Variants in PALD1 observed in about 807,000 individuals in gnomAD.
The protein encoded by PALD1 is phosphatase domain containing paladin 1.
A neutral mutation model predicts 96.0 loss-of-function variants in PALD1; 57 were observed. That is an observed-to-expected ratio of 0.59 (90% CI 0.48 to 0.74). PALD1 has a LOEUF of 0.74. Ranked by LOEUF, PALD1 falls within the 30% of genes least tolerant of loss-of-function variation. PALD1 has a pLI of 0.00. For missense variants in PALD1, 1,063 were observed against 1,143.7 expected, an observed-to-expected ratio of 0.93 and a Z score of 1.02; for synonymous variants, 464 against 473.6, an observed-to-expected ratio of 0.98 and a Z score of 0.26.
the PALD1 span, among the ~76,000 whole-genome samples, chr10:70,461,259 G>T: frequency 6.6e-6 from 1 of 152,180 alleles, no homozygotes; most frequent in Non-Finnish European, 1.5e-5. Flanking sequence ...CATCTAATTA[G>T]CCTTCAAGTC....
chr10:70,515,327 G>A (rs112692430), intron 1 of PALD1, among the ~76,000 whole-genome samples: 7,005 of 152,316 alleles, frequency 0.046, 391 homozygotes, highest in African/African-American at 0.13. Context: ...TCTTGAGGAA[G>A]GCCAAGAGCA....
intron 1 of PALD1, among the ~76,000 whole-genome samples, chr10:70,507,248 A>G (rs1388818975): frequency 2.3e-5 from 1 of 43,030 alleles, no homozygotes; most frequent in Non-Finnish European, 4.9e-5. Flanking sequence ...CTAAAAATAC[A>G]AAAAAAAAAA....
chr10:70,529,271 CA>C lies in PALD1; in HGVS notation c.230del (p.Lys77ArgfsTer142). ...AGTTCCAGATCCATGATGAGCTGCT[CA>C]AGGCTCATTACACGTTGGGCCGGCT... Reference protein sequence around the residue: ...EEFQIHDELLKAHYTLGRLSD... With the variant: ...EEFQIHDELLXAHYTLGRLSD... On this transcript the variant is annotated frameshift_variant, in exon 3 of 20. Coordinates refer to ENST00000263563, the MANE Select transcript of PALD1 (RefSeq NM_014431.3). LOFTEE classifies it high-confidence loss of function. 1 of 1,414,586 alleles carries C rather than the reference CA, an allele frequency of 7.1e-7. No homozygotes were observed. The highest frequency in any genetic ancestry group is 9.5e-7 in the Non-Finnish European group (1 of 1,052,504). The allele number at this position is 1,414,586 out of a possible 1,614,324, so 87.6% of individuals were successfully genotyped here. A position where few individuals can be genotyped will look rare whatever the true frequency, so the allele number is the denominator to read the frequency against.
chr10:70,476,112 C>G (rs373725483), upstream of PALD1, among the ~76,000 whole-genome samples: 1 of 152,136 alleles, frequency 6.6e-6, no homozygotes. Flanking sequence ...GAGTGGGGGT[C>G]AGTCCCGACC....
intron 1 of PALD1, among the ~76,000 whole-genome samples, chr10:70,484,865 T>A (rs1006329809): frequency 1.3e-5 from 2 of 152,184 alleles, no homozygotes; most frequent in African/African-American, 4.8e-5. Flanking sequence ...TTAAAGAAAA[T>A]TTACTGCAAG....
chr10:70,547,754 C>T (rs1847398598), intron 18 of PALD1, among the ~76,000 whole-genome samples: 1 of 152,176 alleles, frequency 6.6e-6, no homozygotes, highest in African/African-American at 2.4e-5. Flanking sequence ...TCAGAGTGAA[C>T]ACCCAGGAGC....
rs1464318419 is a variant in PALD1, at chr10:70,531,417, T to G, written c.596T>G (p.Val199Gly). The change falls in exon 5 of 20, where the codon GTC becomes GGC. Residue 199 changes from valine to glycine, a missense_variant. Transcript: ENST00000263563. ...AACCTCCAGGGCCTTGGACCCGGGG[T>G]CCGGGTGGAGAGCCTGGAGCTGGCC... ...HENLQGLGPG[V>G]RVESLELAIR... The G allele has an allele frequency of 6.8e-6, 11 of 1,613,592 alleles. No homozygotes were observed. The highest frequency in any genetic ancestry group is 9.3e-6 in the Non-Finnish European group (11 of 1,179,842).
the PALD1 span, among the ~76,000 whole-genome samples, chr10:70,461,263 T>C: frequency 6.6e-6 from 1 of 152,228 alleles, no homozygotes; most frequent in Admixed American, 6.5e-5. Context: ...TAATTAGCCT[T>C]CAAGTCTTAG....
intron 10 of PALD1, among the ~76,000 whole-genome samples, chr10:70,535,494 TC>T (rs1847093337): frequency 8.1e-6 from 1 of 122,830 alleles, no homozygotes. Flanking sequence ...CCCTTCCTTC[TC>T]CCTCTCTTCC....
At chr10:70,504,743 A>G (rs1846354213) in intron 1 of PALD1, among the ~76,000 whole-genome samples, 1 of 152,208 alleles carries the variant, frequency 6.6e-6, no homozygotes, top group South Asian at 2.1e-4. Context: ...CTCTGCATTC[A>G]ATCTATTGTG....
chr10:70,541,296 C>G, intron 16 of PALD1, 54 bp downstream of exon 16: 1 of 1,568,102 alleles, frequency 6.4e-7, no homozygotes, highest in Non-Finnish European at 8.7e-7. Context: ...AGGGTAGACA[C>G]TCAGGTCCCA....
intron 1 of PALD1, among the ~76,000 whole-genome samples, chr10:70,495,508 G>A (rs953152591): frequency 3.6e-4 from 55 of 152,068 alleles, no homozygotes; most frequent in Non-Finnish European, 6.6e-4. Context: ...TGTATTGGCT[G>A]GGAGGGGTGT....
intron 18 of PALD1, among the ~76,000 whole-genome samples, chr10:70,551,818 A>G (rs1847485330): frequency 6.6e-6 from 1 of 152,180 alleles, no homozygotes; most frequent in Admixed American, 6.5e-5. Context: ...ATGTACATGA[A>G]TCTTCATCTG....
the PALD1 span, among the ~76,000 whole-genome samples, chr10:70,459,886 C>T: frequency 6.6e-6 from 1 of 152,198 alleles, no homozygotes; most frequent in Non-Finnish European, 1.5e-5. Flanking sequence ...CTCTCCCCTC[C>T]AGCTGCCGCA....
intron 1 of PALD1, among the ~76,000 whole-genome samples, chr10:70,489,113 T>G (rs1348542493): frequency 6.6e-6 from 1 of 152,154 alleles, no homozygotes; most frequent in Non-Finnish European, 1.5e-5. Context: ...GAGTTGCCCC[T>G]TGCCAAAGTC....
intron 1 of PALD1, chr10:70,485,305 G>A (rs545047855): frequency 6.5e-6 from 1 of 153,060 alleles, no homozygotes; most frequent in South Asian, 2.1e-4. Context: ...GCACTTCCAT[G>A]GTGGAGAAGG....
chr10:70,506,599 T>C (rs1040532119), intron 1 of PALD1, among the ~76,000 whole-genome samples: 1 of 152,154 alleles, frequency 6.6e-6, no homozygotes, highest in Non-Finnish European at 1.5e-5. Context: ...GTGGAAGCCA[T>C]TGGGTTAAGA....
rs1253921639 is a variant in PALD1, at chr10:70,538,421, G to A, written c.1452+13G>A. 2.9e-5 allele frequency: 46 copies of A among 1,609,526 alleles called. No homozygotes were observed. The highest frequency in any genetic ancestry group is 3.9e-5 in the Non-Finnish European group (46 of 1,179,220). On this transcript the variant is annotated intron_variant, in intron 12 of 19. Transcript: ENST00000263563. The stretch of plus-strand genomic sequence containing the variant: ...CAGGGGCTCCCTAGTGAGTATGACT[G>A]GCAGTCGGAGAAGTGGGCATGGCTG...
rs527946557 is a variant in PALD1, at chr10:70,529,224, C to A, written c.186-5C>A. 1.2e-4 allele frequency: 36 copies of A among 300,612 alleles called. 2 individuals carry two copies. The highest frequency in any genetic ancestry group is 6.1e-4 in the Middle Eastern group (1 of 1,628). 18.6% of individuals were successfully genotyped at this position (300,612 alleles called of 1,614,324 possible). The stretch of plus-strand genomic sequence containing the variant: ...TTCCATTCTGCCCCCCCCCCCCCCC[C>A]CCAGGTACAACTGCAAGGAGGAGTT... On this transcript the variant is annotated splice_region_variant and splice_polypyrimidine_tract_variant and intron_variant, in intron 2 of 19. Coordinates refer to ENST00000263563, the MANE Select transcript of PALD1 (RefSeq NM_014431.3).
Sources: gnomAD v4.1 joint callset for allele counts (sites outside exome capture counted in the v4.1 genomes callset) on GRCh38, gnomAD v4.1.1 for gene constraint, MANE v1.5 for transcripts, NCBI Gene and HGNC (gene_info 2026-07-23, HGNC 2026-07-21) for gene names.